Variants in GRID1 observed in about 807,000 individuals in gnomAD.
GRID1 encodes the protein glutamate ionotropic receptor delta type subunit 1.
A neutral mutation model predicts 98.0 loss-of-function variants in GRID1; 28 were observed. The ratio of observed to expected loss-of-function variants is 0.29; its 90% CI spans 0.21 to 0.39. GRID1 has a LOEUF of 0.39. GRID1 is among the 10% of genes least tolerant of loss of function. GRID1 has a pLI of 1.00. For synonymous variants in GRID1, 553 were observed against 538.5 expected (o/e 1.03, Z -0.37); for missense variants, 1,111 against 1,340.5 (o/e 0.83, Z 2.67).
At chr10:85,904,449 C>A (rs770729727) in intron 5 of GRID1, among the ~76,000 whole-genome samples, 8 of 151,976 alleles carry the variant, frequency 5.3e-5, no homozygotes, top group Non-Finnish European at 1.0e-4. Flanking sequence ...AATGGAAGAG[C>A]AAGGCAGTTA....
At chr10:86,338,920 G>C (rs763591005) in intron 2 of GRID1, among the ~76,000 whole-genome samples, 4 of 152,120 alleles carry the variant, frequency 2.6e-5, no homozygotes, top group Non-Finnish European at 5.9e-5. Flanking sequence ...GGGTGGCAGG[G>C]CCTATGTTTA....
intron 4 of GRID1, among the ~76,000 whole-genome samples, chr10:86,085,545 T>C (rs1387174531): frequency 1.3e-5 from 2 of 152,164 alleles, no homozygotes; most frequent in African/African-American, 4.8e-5. Flanking sequence ...GTGGGGAAGA[T>C]GAATACCCTC....
chr10:86,070,714 C>A (rs957684395), intron 4 of GRID1, among the ~76,000 whole-genome samples: 1 of 152,332 alleles, frequency 6.6e-6, no homozygotes, highest in African/African-American at 2.4e-5. Context: ...ATGCCTACAT[C>A]CACCCACTCA....
chr10:86,034,612 A>T (rs183479574), intron 4 of GRID1, among the ~76,000 whole-genome samples: 24 of 151,880 alleles, frequency 1.6e-4, no homozygotes, highest in Admixed American at 1.4e-3. Context: ...GAACCAGTTG[A>T]GGCTTTGCTT....
chr10:86,235,597 T>C (rs955622833), intron 2 of GRID1, among the ~76,000 whole-genome samples: 1 of 152,246 alleles, frequency 6.6e-6, no homozygotes, highest in Non-Finnish European at 1.5e-5. Context: ...TTTCTGTCTC[T>C]ATAGTTTTGC....
At chr10:85,647,052 G>T (rs552212519) in intron 13 of GRID1, 150 bp downstream of exon 13, 4 of 682,916 alleles carry the variant, frequency 5.9e-6, no homozygotes, top group Non-Finnish European at 1.0e-5. Flanking sequence ...TTCTGAAAGG[G>T]CATCCACCTA....
chr10:86,102,603 G>A (rs995031975), intron 4 of GRID1, among the ~76,000 whole-genome samples: 7 of 152,246 alleles, frequency 4.6e-5, no homozygotes, highest in African/African-American at 1.2e-4. Flanking sequence ...AAGGAGGAAT[G>A]CAGGCCTGAT....
chr10:85,897,551 A>C (rs531237863), intron 5 of GRID1, among the ~76,000 whole-genome samples: 136 of 152,332 alleles, frequency 8.9e-4, no homozygotes, highest in African/African-American at 3.0e-3. Flanking sequence ...CCTGAGGCCC[A>C]AAGTGGCTTG....
chr10:85,620,130 T>C, intron 13 of GRID1, 97 bp from the exon 14 acceptor site: 1 of 938,940 alleles, frequency 1.1e-6, no homozygotes, highest in Admixed American at 2.0e-5. Context: ...GAGGGACCCA[T>C]CCTCAATGGT....
At chr10:86,230,146 G>A (rs957319461) in intron 2 of GRID1, among the ~76,000 whole-genome samples, 2 of 152,166 alleles carry the variant, frequency 1.3e-5, no homozygotes, top group Non-Finnish European at 2.9e-5. Flanking sequence ...AGCCCACCAC[G>A]AGCCCAACTT....
intron 2 of GRID1, among the ~76,000 whole-genome samples, chr10:86,280,496 G>A (rs2132067517): frequency 6.6e-6 from 1 of 152,310 alleles, no homozygotes; most frequent in Middle Eastern, 3.4e-3. Flanking sequence ...AGTTTTAATA[G>A]TTAACATGGA....
chr10:85,769,746 C>T (rs1214439322), intron 8 of GRID1, among the ~76,000 whole-genome samples: 3 of 152,206 alleles, frequency 2.0e-5, no homozygotes. Context: ...TGAGATCAAA[C>T]TGCAAGGCGG....
intron 4 of GRID1, among the ~76,000 whole-genome samples, chr10:85,921,412 G>A (rs1043965123): frequency 6.6e-6 from 1 of 152,172 alleles, no homozygotes; most frequent in Non-Finnish European, 1.5e-5. Context: ...TGAACCTCAG[G>A]TGCCTTTTCC....
At chr10:86,164,378 G>A (rs563950150) in intron 3 of GRID1, among the ~76,000 whole-genome samples, 136 of 152,096 alleles carry the variant, frequency 8.9e-4, no homozygotes, top group Non-Finnish European at 1.4e-3. Context: ...GAACAAAAGC[G>A]CTCAGTGCTG....
At chr10:85,696,535 C>T (rs544023867) in intron 12 of GRID1, among the ~76,000 whole-genome samples, 6 of 152,106 alleles carry the variant, frequency 3.9e-5, no homozygotes, top group East Asian at 1.9e-4. Flanking sequence ...ACAGAGACAG[C>T]GCATGCCGAA....
At chr10:85,865,343 G>A (rs972762955) in intron 6 of GRID1, among the ~76,000 whole-genome samples, 3 of 152,148 alleles carry the variant, frequency 2.0e-5, no homozygotes, top group Non-Finnish European at 2.9e-5. Flanking sequence ...ATAGTTCTTG[G>A]TTGGCTTTAG....
At chr10:85,903,494 T>C (rs559952273) in intron 5 of GRID1, among the ~76,000 whole-genome samples, 1 of 152,276 alleles carries the variant, frequency 6.6e-6, no homozygotes, top group African/African-American at 2.4e-5. Context: ...AATAGCCTGA[T>C]AAATAGTTTA....
intron 4 of GRID1, among the ~76,000 whole-genome samples, chr10:85,996,899 T>C (rs978518827): frequency 1.3e-5 from 2 of 150,102 alleles, no homozygotes; most frequent in African/African-American, 2.4e-5. Flanking sequence ...TTAAAACTTA[T>C]CAAATTTGTT....
intron 5 of GRID1, among the ~76,000 whole-genome samples, chr10:85,896,080 TA>T (rs1204415531): frequency 6.6e-6 from 1 of 152,184 alleles, no homozygotes; most frequent in African/African-American, 2.4e-5. Context: ...CAGTAAATCA[TA>T]AAAGCTACTT....
Sources: gnomAD v4.1 joint callset for allele counts (sites outside exome capture counted in the v4.1 genomes callset) on GRCh38, gnomAD v4.1.1 for gene constraint, MANE v1.5 for transcripts, NCBI Gene and HGNC (gene_info 2026-07-23, HGNC 2026-07-21) for gene names.